The following DICER1 variants were observed in gnomAD, a reference collection of about 807,000 sequenced individuals.
DICER1 encodes the protein endoribonuclease Dicer.
In DICER1, 43 loss-of-function variants were observed where a neutral mutation model predicts 194.1. The observed-to-expected ratio is 0.22, with a 90% CI of 0.17 to 0.29. The LOEUF (loss-of-function observed/expected upper bound fraction) is 0.29. DICER1 is among the 10% of genes least tolerant of loss of function. DICER1 has a pLI of 1.00. For synonymous variants in DICER1, 832 were observed against 820.5 expected, an observed-to-expected ratio of 1.01 and a Z score of -0.24; for missense variants, 1,608 against 2,317.0, an observed-to-expected ratio of 0.69 and a Z score of 6.28.
chr14:95,099,689 AAAAC>A, intron 22 of DICER1, 87 bp downstream of exon 22: 3 of 1,482,050 alleles, frequency 2.0e-6, no homozygotes, highest in Non-Finnish European at 2.7e-6. Context: ...AAAAATTAAT[AAAAC>A]AAATTATTTG....
rs1060503585 is a variant in DICER1 at position 95,103,860 on chromosome 14, G to C, written c.3536C>G (p.Ser1179Cys). 6.2e-7 allele frequency: 1 copy of C among 1,614,046 alleles called. No homozygotes were observed. The highest frequency in any genetic ancestry group is 8.5e-7 in the Non-Finnish European group (1 of 1,180,048). ...GCCATTGGCGAGATTTTGATTGTAA[G>C]AAAGACCATTAATTGCTGTAAGATC... ...SADLTAINGL[S>C]YNQNLANGSY... is the part of the protein sequence containing the mutation. The change falls in exon 21 of 27, where the codon TCT becomes TGT. Residue 1179 changes from serine to cysteine, a missense_variant. By Grantham distance (112) the Ser-to-Cys change is moderately radical. Around this residue, in one of 10 missense-constraint regions of DICER1, gnomAD observed 222 missense variants for 215.5 expected, o/e 1.03. Coordinates refer to ENST00000343455, the MANE Select transcript of DICER1 (RefSeq NM_177438.3).
chr14:95,097,416 A>G (rs1890455241), intron 22 of DICER1, among the ~76,000 whole-genome samples: 1 of 152,218 alleles, frequency 6.6e-6, no homozygotes, highest in African/African-American at 2.4e-5. Flanking sequence ...AGGGGAACAG[A>G]TTATAGCATA....
intron 1 of DICER1, chr14:95,134,478 G>A (rs1049953956): frequency 6.6e-6 from 1 of 152,314 alleles, no homozygotes. Flanking sequence ...CTGCTTTGGA[G>A]TGTTCATTGC....
At chr14:95,144,726 T>C (rs1460016130) in intron 1 of DICER1, among the ~76,000 whole-genome samples, 1 of 152,156 alleles carries the variant, frequency 6.6e-6, no homozygotes, top group Non-Finnish European at 1.5e-5. Flanking sequence ...CACAAACTCC[T>C]GAATGGGGAT....
rs1758448432 is a variant in DICER1, at chr14:95,124,975, A to C, written c.904-307T>G. Among the ~76,000 whole-genome samples the C allele has an allele frequency of 1.3e-5, 2 of 152,250 alleles. No individual in the cohort carries two copies. Among genetic ancestry groups the C allele is most frequent in the Admixed American group, 6.5e-5 (1 of 15,290 alleles). On this transcript the variant is annotated intron_variant, in intron 7 of 26. Transcript: ENST00000343455. This position sits in a 1 kb window ranked among gnomAD's most constrained non-coding sequence, Gnocchi z 4.5. ...AGTTAAAACTATACCTGAGTCATTT[A>C]CTTCCTGCCAAATTACATAAAATTT...
At chr14:95,099,638 A>C in intron 22 of DICER1, 142 bp downstream of exon 22, 2 of 1,059,432 alleles carry the variant, frequency 1.9e-6, no homozygotes, top group Non-Finnish European at 2.5e-6. Context: ...TAAATATATC[A>C]AATATCTACT....
At position 95,126,632 on chromosome 14, in the gene DICER1, C is replaced by T. The variant is rs1566806728; in HGVS notation, c.851G>A (p.Cys284Tyr). 3 of 1,567,352 alleles carry T rather than the reference C, an allele frequency of 1.9e-6. No individual in the cohort carries two copies. The highest frequency in any genetic ancestry group is 1.7e-5 in the Admixed American group (1 of 59,958). The change falls in exon 7 of 27, where the codon TGT (cysteine) becomes TAT (tyrosine). Residue 284 changes from cysteine (C) to tyrosine (Y), a missense_variant. Around this residue, in one of 10 missense-constraint regions of DICER1, gnomAD observed 657 missense variants for 910.1 expected, o/e 0.72. Coordinates refer to ENST00000343455, the MANE Select transcript of DICER1 (RefSeq NM_177438.3). ...TTCTTTTGAATGTACAGATATATTA[C>T]AATCATTGATAAAATTAAGTGCTTC... ...LEEALNFIND[C>Y]NISVHSKERD...
Position 95,133,322 on chromosome 14 carries a change from T to A in DICER1, c.137A>T (p.Lys46Ile). Residue 46 changes from lysine (K) to isoleucine (I), a missense_variant, in exon 2 of 27, where the codon AAA (lysine) becomes ATA (isoleucine). By Grantham distance (102) the Lys-to-Ile change is moderately radical (BLOSUM62 -3). Transcript: ENST00000343455. ...TAGTGTTCGCATTAGTACCTGATAT[T>A]TTCTTGGCGTATAAATGTTATCATG... ...AIHDNIYTPR[K>I]YQVELLEAAL... The A allele has an allele frequency of 6.2e-7, 1 of 1,614,152 alleles. No individual in the cohort carries two copies. The highest frequency in any genetic ancestry group is 1.3e-5 in the African/African-American group (1 of 75,056).
chr14:95,143,592 T>A (rs1894952314), intron 1 of DICER1, among the ~76,000 whole-genome samples: 1 of 152,074 alleles, frequency 6.6e-6, no homozygotes, highest in African/African-American at 2.4e-5. Context: ...TGAAAAAAAA[T>A]TAGCAATTTT....
intron 14 of DICER1, among the ~76,000 whole-genome samples, chr14:95,109,997 A>G (rs1891811410): frequency 6.6e-6 from 1 of 152,218 alleles, no homozygotes; most frequent in South Asian, 2.1e-4. Flanking sequence ...AGCATAATAT[A>G]TGCTGTAAGT....
intron 1 of DICER1, among the ~76,000 whole-genome samples, chr14:95,146,574 G>C (rs1247567299): frequency 6.6e-6 from 1 of 152,180 alleles, no homozygotes; most frequent in Non-Finnish European, 1.5e-5. Context: ...CCCTTCAGTT[G>C]TCAGCATATC....
At chr14:95,140,791 A>G (rs1257866914) in intron 1 of DICER1, 1 of 152,244 alleles carries the variant, frequency 6.6e-6, no homozygotes, top group Non-Finnish European at 1.5e-5. Flanking sequence ...GCCAAGTTTA[A>G]GATTCCTGTA....
intron 1 of DICER1, among the ~76,000 whole-genome samples, chr14:95,150,010 A>G (rs554371324): frequency 8.1e-4 from 124 of 152,330 alleles, no homozygotes; most frequent in African/African-American, 2.9e-3. Context: ...TACCCATCCT[A>G]GTTTTCTCAG....
rs1182642644 is a variant in DICER1, at chr14:95,100,044, TTA to T, written c.4051-111_4051-110del. On this transcript the variant is annotated intron_variant, in intron 21 of 26. Transcript: ENST00000343455. ...AATGTTCTTAAAATTAATCAATTAA[TTA>T]TATGTCATCAATTAATTATAAGGGC... The T allele has an allele frequency of 4.2e-6, 5 of 1,193,402 alleles. No homozygotes were observed. In the East Asian group the frequency reaches 7.6e-5, roughly 18 times the overall value. The allele number at this position is 1,193,402 out of a possible 1,614,324, so 73.9% of individuals were successfully genotyped here.
At chr14:95,136,050 T>C (rs117060320) in intron 1 of DICER1, among the ~76,000 whole-genome samples, 307 of 151,106 alleles carry the variant, frequency 2.0e-3, no homozygotes, top group Non-Finnish European at 3.5e-3. Flanking sequence ...ATGTAACTTA[T>C]TCTCAAATGG....
intron 11 of DICER1, among the ~76,000 whole-genome samples, 169 bp downstream of exon 11, chr14:95,115,497 CT>C (rs2140110045): frequency 6.6e-6 from 1 of 151,968 alleles, no homozygotes; most frequent in East Asian, 1.9e-4. Context: ...CTGTTTTTGC[CT>C]TTTGATTTAA....
Position 95,096,094 on chromosome 14 carries a change from T to C in DICER1, c.4826A>G (p.Asn1609Ser), listed in dbSNP as rs1228069910. The C allele has an allele frequency of 1.9e-6, 3 of 1,614,052 alleles. No individual in the cohort carries two copies. The highest frequency in any genetic ancestry group is 4.5e-5 in the East Asian group (2 of 44,900). Reference protein sequence around the residue: ...REKALCPTRENFNSQQKNLSV... With the variant: ...REKALCPTRESFNSQQKNLSV... ...AAGGTTCTTTTGTTGGCTGTTGAAATTCTCCCGAGTAGGGCACAGGGCCTT... is the reference window on the plus strand; with the variant it reads ...AAGGTTCTTTTGTTGGCTGTTGAAACTCTCCCGAGTAGGGCACAGGGCCTT... Residue 1609 changes from asparagine to serine, a missense_variant, in exon 23 of 27, where the codon AAT becomes AGT. Around this residue, in one of 10 missense-constraint regions of DICER1, gnomAD observed 125 missense variants for 134.9 expected, o/e 0.93. Transcript: ENST00000343455.
At position 95,113,014 on chromosome 14, in the gene DICER1, G is replaced by A. The variant is rs184357448; in HGVS notation, c.2040+78C>T. ...TTAAAATCAAATTTACCTATAACTT[G>A]CAAGTCTTAGAAAAGCTGAAAAAAT... On this transcript the variant is annotated intron_variant, in intron 12 of 26. Coordinates refer to ENST00000343455, the MANE Select transcript of DICER1 (RefSeq NM_177438.3). 113 of 1,446,216 alleles carry A rather than the reference G, an allele frequency of 7.8e-5. No homozygotes were observed. The Admixed American group carries it at 1.8e-3, about 23-fold the overall frequency. The allele number at this position is 1,446,216 out of a possible 1,614,324, so 89.6% of individuals were successfully genotyped here.
rs199823884 is a variant in DICER1, at chr14:95,115,847, T to G, written c.1753-26A>C. ...CTGAACATTTAAAAAACAGAACTTA[T>G]GATGAAAACACATCCTCTCTGCTGT... On this transcript the variant is annotated intron_variant, in intron 10 of 26. Coordinates refer to ENST00000343455, the MANE Select transcript of DICER1 (RefSeq NM_177438.3). 5 of 1,612,890 alleles carry G rather than the reference T, an allele frequency of 3.1e-6. No individual in the cohort carries two copies. The African/African-American group carries it at 4.0e-5, about 13-fold the overall frequency.
Sources: allele counts gnomAD v4.1 joint callset (sites outside exome capture counted in the v4.1 genomes callset), GRCh38; gene constraint gnomAD v4.1.1; regional missense constraint gnomAD v4.1.1; non-coding constraint Gnocchi (gnomAD v3.1); transcripts MANE v1.5; gene names NCBI Gene and HGNC (gene_info 2026-07-23, HGNC 2026-07-21).